PAAF1: variants seen among roughly 807,000 people sequenced by gnomAD.
The protein encoded by PAAF1 is proteasomal ATPase associated factor 1.
A neutral mutation model predicts 52.8 loss-of-function variants in PAAF1; 46 were observed. The observed-to-expected ratio is 0.87, with a 90% confidence interval of 0.69 to 1.11. The LOEUF (loss-of-function observed/expected upper bound fraction) is 1.11. Ranked by LOEUF, PAAF1 falls within the 50% of genes most tolerant of loss-of-function variation. The probability of loss-of-function intolerance (pLI) is 0.00; values close to 1 mark genes in which losing one functional copy is unlikely to be tolerated. For missense variants in PAAF1, 424 were observed against 477.4 expected, an observed-to-expected ratio of 0.89 and a Z score of 1.04; for synonymous variants, 178 against 172.8, an observed-to-expected ratio of 1.03 and a Z score of -0.24.
At chr11:73,878,033 T>C (rs1948791802) in intron 1 of PAAF1, among the ~76,000 whole-genome samples, 3 of 152,304 alleles carry the variant, frequency 2.0e-5, no homozygotes, top group Admixed American at 2.0e-4. Flanking sequence ...CTACTACTAA[T>C]AAGGGTTTTT....
rs141014525 is a variant in PAAF1 at position 73,909,618 on chromosome 11, T to C, written c.727+25T>C. 169 of 1,605,004 alleles carry C rather than the reference T, an allele frequency of 1.1e-4. 1 individual carries two copies. The East Asian group carries it at 3.7e-3, about 35-fold the overall frequency. On this transcript the variant is annotated intron_variant, in intron 7 of 11. Coordinates refer to ENST00000310571, the MANE Select transcript of PAAF1 (RefSeq NM_025155.3). Reference sequence around the variant, plus strand: ...AGTAAGTTGATAATGATATGTAGCATTGTTTTATTTTCTTAGGCCCCCTTC... The same window carrying C: ...AGTAAGTTGATAATGATATGTAGCACTGTTTTATTTTCTTAGGCCCCCTTC...
chr11:73,927,665 G>C lies in PAAF1; in HGVS notation c.*303G>C, dbSNP rs1471344710. 3.0e-5 allele frequency: 12 copies of C among 403,422 alleles called. No individual in the cohort carries two copies. The highest frequency in any genetic ancestry group is 2.0e-4 in the African/African-American group (10 of 49,562). The allele number at this position is 403,422 out of a possible 1,614,324, so 25.0% of individuals were successfully genotyped here. ...TGTTCTTAAACCAGTTTTGTTAAAT[G>C]TTTACAAGGACCTCAGTACTAAAGC... On this transcript the variant is annotated 3_prime_UTR_variant, in exon 12 of 12. Transcript: ENST00000310571.
Position 73,921,551 on chromosome 11 carries a change from TTC to T in PAAF1, c.1018+2525_1018+2526del, listed in dbSNP as rs370270657. The T allele has an allele frequency of 2.1e-3, 1,156 of 543,296 alleles. 25 individuals are homozygous for T. The highest frequency in any genetic ancestry group is 0.018 in the South Asian group (1,132 of 63,998). 33.7% of individuals were successfully genotyped at this position (543,296 alleles called of 1,614,324 possible). ...GAGTTTTTCAAGTAAAGACATGGTC[TTC>T]TCTCTTCTGTATAAAACTTTATGAA... On this transcript the variant is annotated intron_variant, in intron 10 of 11. Coordinates refer to ENST00000310571, the MANE Select transcript of PAAF1 (RefSeq NM_025155.3).
chr11:73,912,257 C>A (rs971962520), intron 7 of PAAF1, among the ~76,000 whole-genome samples: 2 of 152,150 alleles, frequency 1.3e-5, no homozygotes, highest in African/African-American at 4.8e-5. Context: ...AAAGCATAGA[C>A]CTTTCACCTG....
At chr11:73,894,977 A>G (rs1052547917) in intron 4 of PAAF1, among the ~76,000 whole-genome samples, 5 of 152,200 alleles carry the variant, frequency 3.3e-5, no homozygotes, top group Non-Finnish European at 7.3e-5. Context: ...GAGTGAGACC[A>G]TGTCTCAAAA....
intron 6 of PAAF1, 54 bp downstream of exon 6, chr11:73,900,474 CA>C: frequency 6.6e-7 from 1 of 1,512,774 alleles, no homozygotes; most frequent in South Asian, 1.3e-5. Flanking sequence ...AGAAATGAAT[CA>C]CTGAAAAGGT....
intron 4 of PAAF1, among the ~76,000 whole-genome samples, chr11:73,897,444 C>CAG (rs1483232774): frequency 1.3e-5 from 2 of 150,510 alleles, no homozygotes; most frequent in African/African-American, 4.9e-5. Flanking sequence ...GGTTGCCAGG[C>CAG]AGAGGGTCTC....
In PAAF1 at chr11:73,909,605, A is replaced by G. The variant is rs756635801; in HGVS notation, c.727+12A>G. On this transcript the variant is annotated intron_variant, in intron 7 of 11. Transcript: ENST00000310571. ...TGAGCAGATGCCCAGTAAGTTGATA[A>G]TGATATGTAGCATTGTTTTATTTTC... 6.2e-7 allele frequency: 1 copy of G among 1,612,918 alleles called. No individual in the cohort carries two copies. The highest frequency in any genetic ancestry group is 1.7e-5 in the Admixed American group (1 of 59,984).
intron 4 of PAAF1, 35 bp downstream of exon 4, chr11:73,891,236 T>G: frequency 8.2e-7 from 1 of 1,226,854 alleles, no homozygotes; most frequent in Non-Finnish European, 1.2e-6. Context: ...GAAAATGTAA[T>G]AGCATGTTAA....
chr11:73,885,437 C>T (rs919259513), intron 2 of PAAF1, among the ~76,000 whole-genome samples: 16 of 152,028 alleles, frequency 1.1e-4, no homozygotes, highest in Admixed American at 2.6e-4. Context: ...CCACCATGCC[C>T]GGCTGACTTT....
chr11:73,896,696 C>T (rs1318294065), intron 4 of PAAF1, among the ~76,000 whole-genome samples: 7 of 152,206 alleles, frequency 4.6e-5, no homozygotes, highest in Non-Finnish European at 1.0e-4. Context: ...CCATGTCTAC[C>T]TCTTTCTACA....
At chr11:73,908,415 GTA>G (rs573706615) in intron 6 of PAAF1, among the ~76,000 whole-genome samples, 3 of 137,010 alleles carry the variant, frequency 2.2e-5, no homozygotes, top group Admixed American at 7.3e-5. Flanking sequence ...ATATATGTGT[GTA>G]TATATATATA....
intron 4 of PAAF1, among the ~76,000 whole-genome samples, chr11:73,896,573 T>C (rs1198349264): frequency 6.6e-6 from 1 of 151,464 alleles, no homozygotes; most frequent in Non-Finnish European, 1.5e-5. Context: ...CATTCAACCC[T>C]GAGTGGATAC....
At chr11:73,903,213 C>T (rs1259461602) in intron 6 of PAAF1, among the ~76,000 whole-genome samples, 1 of 152,156 alleles carries the variant, frequency 6.6e-6, no homozygotes, top group Non-Finnish European at 1.5e-5. Flanking sequence ...CTTATCAGGT[C>T]ACAAAGGCTC....
chr11:73,921,565 T>G (rs1950219626), intron 10 of PAAF1: 3 of 558,576 alleles, frequency 5.4e-6, no homozygotes, highest in African/African-American at 1.9e-5. Context: ...CTCTTCTGTA[T>G]AAAACTTTAT....
chr11:73,899,590 T>A (rs1287602271), intron 5 of PAAF1, among the ~76,000 whole-genome samples: 1 of 152,044 alleles, frequency 6.6e-6, no homozygotes, highest in Non-Finnish European at 1.5e-5. Flanking sequence ...TTTTGTATTT[T>A]TAGTAGAGAT....
At chr11:73,923,173 A>G (rs1282552835) in intron 10 of PAAF1, among the ~76,000 whole-genome samples, 1 of 152,094 alleles carries the variant, frequency 6.6e-6, no homozygotes, top group Non-Finnish European at 1.5e-5. Flanking sequence ...GTGATTTTTA[A>G]TAGTAATGCA....
At chr11:73,909,856 G>T (rs138738477) in intron 7 of PAAF1, among the ~76,000 whole-genome samples, 62 of 152,296 alleles carry the variant, frequency 4.1e-4, no homozygotes, top group African/African-American at 1.5e-3. Flanking sequence ...AGGGGTGTCC[G>T]ATCTTTTGGC....
At chr11:73,888,939 G>T (rs890811243) in intron 3 of PAAF1, 4 of 476,074 alleles carry the variant, frequency 8.4e-6, no homozygotes, top group Non-Finnish European at 7.5e-6. Flanking sequence ...AGTTAGTTTT[G>T]GTTCTTTTAC....
Sources: gnomAD v4.1 joint callset for allele counts (sites outside exome capture counted in the v4.1 genomes callset) on GRCh38, gnomAD v4.1.1 for gene constraint, MANE v1.5 for transcripts, NCBI Gene and HGNC (gene_info 2026-07-23, HGNC 2026-07-21) for gene names.